Variants in ERC2 observed in about 807,000 individuals in gnomAD.
ERC2 encodes the protein ELKS/RAB6-interacting/CAST family member 2.
Under a neutral mutation model 114.8 loss-of-function variants are expected in ERC2, and 42 were observed. The ratio of observed to expected loss-of-function variants is 0.37; its 90% CI spans 0.29 to 0.47. The LOEUF (loss-of-function observed/expected upper bound fraction) is 0.47. Among genes scored for constraint, ERC2 ranks in the 20% least tolerant of loss-of-function variants. The pLI is 0.99. For missense variants in ERC2, 939 were observed against 1,150.7 expected (o/e 0.82, Z 2.66); for synonymous variants, 454 against 425.5 (o/e 1.07, Z -0.82).
At chr3:55,560,695 T>G (rs1389600727) in intron 17 of ERC2, among the ~76,000 whole-genome samples, 1 of 152,096 alleles carries the variant, frequency 6.6e-6, no homozygotes, top group Admixed American at 6.5e-5. Flanking sequence ...CCCATAAAAT[T>G]CTGATATGTA....
intron 17 of ERC2, among the ~76,000 whole-genome samples, chr3:55,562,696 CT>C (rs57580365): frequency 6.6e-6 from 1 of 151,314 alleles, no homozygotes; most frequent in East Asian, 1.9e-4. Context: ...CATCCCTTTT[CT>C]TTTTTTTTCA....
At chr3:56,313,001 C>CATTATAT (rs2056669867) in intron 2 of ERC2, among the ~76,000 whole-genome samples, 2 of 43,882 alleles carry the variant, frequency 4.6e-5, no homozygotes, top group African/African-American at 7.9e-5. Flanking sequence ...TATGTATATT[C>CATTATAT]ATATATATAT....
chr3:55,617,889 TTC>T (rs2059185728), intron 17 of ERC2, among the ~76,000 whole-genome samples: 1 of 152,216 alleles, frequency 6.6e-6, no homozygotes, highest in Admixed American at 6.5e-5. Context: ...CACTGGCCAT[TTC>T]TCTTTTATTG....
At chr3:55,671,062 T>A (rs2061539366) in intron 17 of ERC2, among the ~76,000 whole-genome samples, 1 of 152,206 alleles carries the variant, frequency 6.6e-6, no homozygotes, top group South Asian at 2.1e-4. Flanking sequence ...GCAAGGTTGC[T>A]CTAACTTGAC....
chr3:55,580,803 G>A (rs1326835199), intron 17 of ERC2, among the ~76,000 whole-genome samples: 2 of 152,188 alleles, frequency 1.3e-5, no homozygotes, highest in African/African-American at 2.4e-5. Flanking sequence ...AACAGCCTAT[G>A]TGCTTGCCTA....
chr3:55,597,106 A>G, intron 17 of ERC2, among the ~76,000 whole-genome samples: 1 of 152,224 alleles, frequency 6.6e-6, no homozygotes. Context: ...TGTACTTGAT[A>G]TCTGCACTTC....
At chr3:56,131,147 G>A (rs559396864) in intron 6 of ERC2, among the ~76,000 whole-genome samples, 9 of 152,216 alleles carry the variant, frequency 5.9e-5, no homozygotes, top group African/African-American at 2.2e-4. Context: ...AAACCATTTT[G>A]CAGACCTCCC....
intron 3 of ERC2, among the ~76,000 whole-genome samples, chr3:56,266,497 C>T (rs1412155970): frequency 6.6e-6 from 1 of 152,078 alleles, no homozygotes; most frequent in Non-Finnish European, 1.5e-5. Context: ...AAAAAATAGT[C>T]TTCAGGTTTA....
intron 17 of ERC2, among the ~76,000 whole-genome samples, chr3:55,656,125 T>TATTTATTTA (rs3059340): frequency 6.6e-6 from 1 of 152,010 alleles, no homozygotes. Flanking sequence ...TTTATTTATT[T>TATTTATTTA]TTCTGAGTTT....
intron 3 of ERC2, among the ~76,000 whole-genome samples, chr3:56,194,181 A>C (rs1005462407): frequency 2.0e-5 from 3 of 152,172 alleles, no homozygotes; most frequent in Non-Finnish European, 4.4e-5. Flanking sequence ...TTGAAGAGTG[A>C]AAGAATAGAA....
At chr3:55,960,360 G>T (rs2068274468) in intron 12 of ERC2, among the ~76,000 whole-genome samples, 1 of 152,118 alleles carries the variant, frequency 6.6e-6, no homozygotes, top group Non-Finnish European at 1.5e-5. Context: ...CCCACTGGAA[G>T]GTATAGGCAC....
At chr3:56,041,170 T>C (rs370682841) in intron 7 of ERC2, among the ~76,000 whole-genome samples, 33 of 152,324 alleles carry the variant, frequency 2.2e-4, no homozygotes, top group African/African-American at 7.2e-4. Flanking sequence ...TATTGTATCT[T>C]GGACATTTTA....
intron 6 of ERC2, among the ~76,000 whole-genome samples, chr3:56,090,153 T>A: frequency 6.6e-6 from 1 of 152,164 alleles, no homozygotes; most frequent in Non-Finnish European, 1.5e-5. Flanking sequence ...TTCACGTCAA[T>A]CTCTAATTAT....
intron 14 of ERC2, among the ~76,000 whole-genome samples, chr3:55,767,003 A>G (rs1027285850): frequency 1.3e-5 from 2 of 152,188 alleles, no homozygotes. Flanking sequence ...AGAGAAGCCT[A>G]ATTCATTCAA....
At chr3:55,801,704 T>C (rs1575643770) in intron 14 of ERC2, among the ~76,000 whole-genome samples, 1 of 152,240 alleles carries the variant, frequency 6.6e-6, no homozygotes, top group African/African-American at 2.4e-5. Flanking sequence ...GGACTGGCTA[T>C]AATTTGGCAG....
intron 17 of ERC2, among the ~76,000 whole-genome samples, chr3:55,641,013 G>A (rs963510436): frequency 3.3e-5 from 5 of 152,162 alleles, no homozygotes; most frequent in African/African-American, 4.8e-5. Context: ...ACAATCCATC[G>A]GAGGGGAGAA....
At chr3:55,625,522 C>A (rs919729233) in intron 17 of ERC2, among the ~76,000 whole-genome samples, 2 of 151,744 alleles carry the variant, frequency 1.3e-5, no homozygotes, top group African/African-American at 4.8e-5. Context: ...GAGGCCGAGG[C>A]TGATGGATCA....
chr3:55,684,159 G>A (rs1344667042), intron 16 of ERC2, among the ~76,000 whole-genome samples: 1 of 152,176 alleles, frequency 6.6e-6, no homozygotes, highest in African/African-American at 2.4e-5. Context: ...ATTAGCAGAT[G>A]ATTATTTTTT....
chr3:56,245,262 C>A (rs2051602459), intron 3 of ERC2, among the ~76,000 whole-genome samples: 1 of 151,528 alleles, frequency 6.6e-6, no homozygotes, highest in Admixed American at 6.6e-5. Flanking sequence ...TCTTCAAAAC[C>A]AAGCGCATTT....
Sources: allele counts gnomAD v4.1 joint callset (sites outside exome capture counted in the v4.1 genomes callset), GRCh38; gene constraint gnomAD v4.1.1; transcripts MANE v1.5; gene names NCBI Gene and HGNC (gene_info 2026-07-23, HGNC 2026-07-21).